Variants in HEXD observed in about 807,000 individuals in gnomAD.
HEXD encodes hexosaminidase D.
A neutral mutation model predicts 54.2 loss-of-function variants in HEXD; 47 were observed. The observed-to-expected ratio is 0.87, with a 90% CI of 0.69 to 1.11. The LOEUF (loss-of-function observed/expected upper bound fraction) is 1.11, where lower values mean the gene tolerates loss of function less well. Ranked by LOEUF, HEXD falls within the 50% of genes least tolerant of loss-of-function variation. HEXD has a pLI of 0.00. For synonymous variants in HEXD, 293 were observed against 287.6 expected, an observed-to-expected ratio of 1.02 and a Z score of -0.19; for missense variants, 576 against 649.2, an observed-to-expected ratio of 0.89 and a Z score of 1.23.
At chr17:82,440,071 G>C in intron 9 of HEXD, 2 of 1,294,820 alleles carry the variant, frequency 1.5e-6, no homozygotes, top group Non-Finnish European at 1.0e-6. Flanking sequence ...TCAGGCGCCC[G>C]GCCCTGGAAG....
At chr17:82,424,681 G>T (rs1321090442) in intron 3 of HEXD, among the ~76,000 whole-genome samples, 178 bp downstream of exon 3, 2 of 152,248 alleles carry the variant, frequency 1.3e-5, no homozygotes, top group East Asian at 3.8e-4. Flanking sequence ...TGAAAACAAA[G>T]TTTCATTTCA....
chr17:82,442,041 C>A lies in HEXD; in HGVS notation c.1254-136C>A. 1 of 1,321,498 alleles carries A rather than the reference C, an allele frequency of 7.6e-7. No homozygotes were observed. Among genetic ancestry groups the A allele is most frequent in the Non-Finnish European group, 1.1e-6 (1 of 947,496 alleles). The allele number at this position is 1,321,498 out of a possible 1,614,324, so 81.9% of individuals were successfully genotyped here. A position where few individuals can be genotyped will look rare whatever the true frequency, so the allele number is the denominator to read the frequency against. ...GATGTGCAGCTGTCACCGACTTGTT[C>A]CTCCCGACATGCCGATGAGGTAGGG... On this transcript the variant is annotated intron_variant, in intron 12 of 12. Transcript: ENST00000327949. The surrounding 1 kb of genome is among the most constrained non-coding windows in gnomAD (Gnocchi z 6.8).
At chr17:82,432,848 G>A (rs1303041589) in intron 4 of HEXD, among the ~76,000 whole-genome samples, 1 of 150,992 alleles carries the variant, frequency 6.6e-6, no homozygotes, top group African/African-American at 2.4e-5. Context: ...CAGATCACAA[G>A]GTCAGGAGAT....
intron 4 of HEXD, among the ~76,000 whole-genome samples, chr17:82,431,487 G>A (rs1216186473): frequency 1.3e-5 from 2 of 150,542 alleles, no homozygotes; most frequent in African/African-American, 2.5e-5. Flanking sequence ...GGAGTGCAGC[G>A]GCGTGATCTC....
intron 9 of HEXD, 158 bp downstream of exon 9, chr17:82,439,871 C>A: frequency 6.5e-7 from 1 of 1,537,644 alleles, no homozygotes; most frequent in Non-Finnish European, 8.7e-7. Context: ...CACCCACCTG[C>A]CCTGAAGTCC....
intron 2 of HEXD, among the ~76,000 whole-genome samples, chr17:82,422,780 G>A (rs183948704): frequency 1.4e-3 from 206 of 152,224 alleles, no homozygotes; most frequent in Admixed American, 5.4e-3. Context: ...ACTTGGGCCA[G>A]GCGCGGTGGC....
chr17:82,441,978 AGG>A, intron 12 of HEXD, 89 bp downstream of exon 12: 1 of 1,411,646 alleles, frequency 7.1e-7, no homozygotes, highest in East Asian at 2.3e-5. Flanking sequence ...TAGAGAGCAG[AGG>A]GTGAGCCCCT....
intron 9 of HEXD, chr17:82,440,375 GCTGA>G (rs2053897866): frequency 3.4e-6 from 4 of 1,160,252 alleles, no homozygotes; most frequent in East Asian, 5.8e-5. Context: ...CTTCTCAGTT[GCTGA>G]CTCTCAACTG....
rs1235882203 is a variant in HEXD, at chr17:82,435,830, T to C, written c.589T>C (p.Trp197Arg). Residue 197 changes from tryptophan to arginine, a missense_variant, in exon 6 of 13, where the codon TGG becomes CGG. Physicochemically the swap from Trp to Arg is moderately radical, Grantham distance 101. Coordinates refer to ENST00000327949, the MANE Select transcript of HEXD (RefSeq NM_001330542.2). ...GCGCCCCAGCGTGACACCCCTGGTG[T>C]GGGACGACATGCTCCGAGACCTGCC... ...ARRPSVTPLV[W>R]DDMLRDLPED... is the part of the protein sequence containing the mutation. 2.5e-6 allele frequency: 4 copies of C among 1,611,854 alleles called. No individual in the cohort carries two copies. The South Asian group carries it at 4.4e-5, about 18-fold the overall frequency.
chr17:82,441,023 A>C lies in HEXD; in HGVS notation c.1009A>C (p.Lys337Gln). ...RGGFDEDVKA[K>Q]VENLLGISSL... ...AGGATTTGATGAAGATGTTAAAGCG[A>C]AAGTGGAGAACCTTCTCGGGATTTC... The change falls in exon 10 of 13, where the codon AAA becomes CAA. Residue 337 changes from lysine (K) to glutamine (Q), a missense_variant. Transcript: ENST00000327949. 3.1e-6 allele frequency: 5 copies of C among 1,613,578 alleles called. No individual in the cohort carries two copies. The highest frequency in any genetic ancestry group is 4.2e-6 in the Non-Finnish European group (5 of 1,180,002).
At chr17:82,433,903 C>T in intron 5 of HEXD, 81 bp downstream of exon 5, 1 of 1,285,090 alleles carries the variant, frequency 7.8e-7, no homozygotes, top group Middle Eastern at 1.9e-4. Flanking sequence ...ATCTTCCAGG[C>T]ACTGAGGCCT....
intron 2 of HEXD, among the ~76,000 whole-genome samples, chr17:82,421,552 A>G (rs2053236218): frequency 6.6e-6 from 1 of 152,216 alleles, no homozygotes; most frequent in Non-Finnish European, 1.5e-5. Flanking sequence ...CAGGCTGGCC[A>G]TGGTGGCTCA....
At chr17:82,428,751 G>C in intron 4 of HEXD, 106 bp downstream of exon 4, 2 of 915,408 alleles carry the variant, frequency 2.2e-6, no homozygotes, top group Non-Finnish European at 3.6e-6. Flanking sequence ...CCATGGTTGG[G>C]GTGCAGGCAG....
chr17:82,433,857 T>C lies in HEXD; in HGVS notation c.447+35T>C, dbSNP rs200453386. 5.3e-4 allele frequency: 830 copies of C among 1,558,692 alleles called. 1 individual carries two copies. Among genetic ancestry groups the C allele is most frequent in the Middle Eastern group, 8.4e-4 (5 of 5,922 alleles). ...GTCACCCCAGCTCTGTGCAGGACACTCTCCCCTATCATGGCTTGTCCTTTT... is the reference window on the plus strand; with the variant it reads ...GTCACCCCAGCTCTGTGCAGGACACCCTCCCCTATCATGGCTTGTCCTTTT... On this transcript the variant is annotated intron_variant, in intron 5 of 12. Coordinates refer to ENST00000327949, the MANE Select transcript of HEXD (RefSeq NM_001330542.2).
At chr17:82,419,928 C>T in intron 2 of HEXD, 45 bp downstream of exon 2, 1 of 1,319,904 alleles carries the variant, frequency 7.6e-7, no homozygotes, top group Non-Finnish European at 1.1e-6. Context: ...TTTGCCTTGG[C>T]TTCATTCTTT....
At chr17:82,428,456 C>T in intron 3 of HEXD, 102 bp from the exon 4 acceptor site, 1 of 939,346 alleles carries the variant, frequency 1.1e-6, no homozygotes, top group Non-Finnish European at 1.7e-6. Flanking sequence ...TTACTGTTTC[C>T]CGGAGAGCCC....
chr17:82,437,447 C>A, intron 8 of HEXD, 84 bp downstream of exon 8: 1 of 1,254,926 alleles, frequency 8.0e-7, no homozygotes, highest in Non-Finnish European at 1.1e-6. Flanking sequence ...CCGCCAAGGG[C>A]CTTCCCAGGT....
At chr17:82,441,747 CCCCACGGCTGCCTTGGTAG>C in intron 11 of HEXD, 34 bp from the exon 12 acceptor site, 1 of 1,402,500 alleles carries the variant, frequency 7.1e-7, no homozygotes, top group East Asian at 2.3e-5. Context: ...TGCAAAGCCG[CCCCACGGCTGCCTTGGTAG>C]CCCGCGGCAC....
chr17:82,436,621 G>A (rs1347525234), intron 6 of HEXD, 46 bp from the exon 7 acceptor site: 31 of 1,529,646 alleles, frequency 2.0e-5, no homozygotes, highest in Non-Finnish European at 2.7e-5. Context: ...GGGGCTGAGA[G>A]TGTGGTCCAG....
Sources: gnomAD v4.1 joint callset for allele counts (sites outside exome capture counted in the v4.1 genomes callset) on GRCh38, gnomAD v4.1.1 for gene constraint, Gnocchi (gnomAD v3.1) non-coding constraint, MANE v1.5 for transcripts, NCBI Gene and HGNC (gene_info 2026-07-23, HGNC 2026-07-21) for gene names.